The following PRICKLE2 variants were observed in gnomAD, a reference collection of about 807,000 sequenced individuals.
The protein encoded by PRICKLE2 is prickle-like protein 2.
PRICKLE2 carries 21 observed loss-of-function variants against 81.4 expected under a neutral mutation model. The ratio of observed to expected loss-of-function variants is 0.26; its 90% CI spans 0.18 to 0.37. The LOEUF (loss-of-function observed/expected upper bound fraction) is 0.37. Among genes scored for constraint, PRICKLE2 ranks in the 10% least tolerant of loss-of-function variants. The pLI is 1.00. For synonymous variants in PRICKLE2, 456 were observed against 421.5 expected (o/e 1.08, Z -1.00); for missense variants, 940 against 1,109.0 (o/e 0.85, Z 2.16).
At chr3:64,238,436 G>A (rs576076365) in intron 2 of PRICKLE2, among the ~76,000 whole-genome samples, 5 of 148,088 alleles carry the variant, frequency 3.4e-5, no homozygotes, top group Non-Finnish European at 5.9e-5. Flanking sequence ...GCAGTGAACC[G>A]AGATCACGCC....
chr3:64,197,947 C>T (rs2078488317), intron 2 of PRICKLE2, among the ~76,000 whole-genome samples: 1 of 152,016 alleles, frequency 6.6e-6, no homozygotes, highest in African/African-American at 2.4e-5. Flanking sequence ...TGTGGTGGCT[C>T]ACGCCTGTAA....
chr3:64,262,990 G>A (rs1467933706), intron 2 of PRICKLE2, among the ~76,000 whole-genome samples: 1 of 152,088 alleles, frequency 6.6e-6, no homozygotes, highest in East Asian at 1.9e-4. Context: ...GGGGTTCCAG[G>A]GTCACATTAG....
At chr3:64,161,465 A>G (rs2077732645) in intron 3 of PRICKLE2, among the ~76,000 whole-genome samples, 1 of 152,156 alleles carries the variant, frequency 6.6e-6, no homozygotes, top group Non-Finnish European at 1.5e-5. Context: ...GGATATCAAA[A>G]TTGTCTTATC....
At chr3:64,196,190 G>A (rs921865318) in intron 2 of PRICKLE2, among the ~76,000 whole-genome samples, 1 of 152,096 alleles carries the variant, frequency 6.6e-6, no homozygotes, top group African/African-American at 2.4e-5. Flanking sequence ...TGAGTAGAAC[G>A]TTTTCTCTGA....
chr3:64,222,880 G>A (rs1449738039), intron 1 of PRICKLE2, among the ~76,000 whole-genome samples: 1 of 152,192 alleles, frequency 6.6e-6, no homozygotes, highest in African/African-American at 2.4e-5. Context: ...TTCTACATGT[G>A]ACTTGTCAGC....
intron 2 of PRICKLE2, among the ~76,000 whole-genome samples, chr3:64,254,877 C>T (rs1345874532): frequency 6.6e-6 from 1 of 152,136 alleles, no homozygotes; most frequent in African/African-American, 2.4e-5. Flanking sequence ...TGGTCTTAGG[C>T]ATGTTAACCT....
intron 2 of PRICKLE2, among the ~76,000 whole-genome samples, chr3:64,237,865 C>T (rs1355501107): frequency 1.8e-4 from 27 of 152,106 alleles, no homozygotes; most frequent in Admixed American, 1.8e-3. Context: ...CTTGGCTTGC[C>T]AGGATGAGAA....
intron 1 of PRICKLE2, among the ~76,000 whole-genome samples, chr3:64,202,592 A>C (rs1041537867): frequency 6.6e-6 from 1 of 151,864 alleles, no homozygotes; most frequent in African/African-American, 2.4e-5. Context: ...ATGTTAAATC[A>C]TACAATCTTG....
chr3:64,265,802 G>C (rs893496149), intron 2 of PRICKLE2, among the ~76,000 whole-genome samples: 2 of 152,160 alleles, frequency 1.3e-5, no homozygotes, highest in African/African-American at 4.8e-5. Context: ...GTGTCCCTAA[G>C]GATAACAATT....
chr3:64,264,502 G>A (rs1354506007), intron 2 of PRICKLE2, among the ~76,000 whole-genome samples: 1 of 152,164 alleles, frequency 6.6e-6, no homozygotes, highest in African/African-American at 2.4e-5. Flanking sequence ...TAAGTTAACA[G>A]GCATCATTCT....
At chr3:64,135,703 C>T (rs2077267241) in intron 7 of PRICKLE2, among the ~76,000 whole-genome samples, 1 of 98,986 alleles carries the variant, frequency 1.0e-5, no homozygotes, top group African/African-American at 4.4e-5. Context: ...ATCACACACA[C>T]ACACACACAC....
rs1187541334 is a variant in PRICKLE2, at chr3:64,098,506, C to T, written c.*545G>A. 6.7e-6 allele frequency: 1 copy of T among 149,524 alleles called. No individual in the cohort carries two copies. Among genetic ancestry groups the T allele is most frequent in the Non-Finnish European group, 1.5e-5 (1 of 67,646 alleles). 9.3% of individuals were successfully genotyped at this position (149,524 alleles called of 1,614,324 possible). On this transcript the variant is annotated 3_prime_UTR_variant, in exon 8 of 8. Coordinates refer to ENST00000638394, the MANE Select transcript of PRICKLE2 (RefSeq NM_198859.4). ...AAAAAAAAAAAAAGGTGGTACCGGG[C>T]CACATTTCAATACTACTCAGAGACA...
rs11313134 is a variant in PRICKLE2 at position 64,121,541 on chromosome 3, G to GAA, written c.1661-21618_1661-21617dup. Among the ~76,000 whole-genome samples, 286 of 147,680 alleles carry GAA rather than the reference G, an allele frequency of 1.9e-3. 3 individuals carry two copies. The highest frequency in any genetic ancestry group is 0.011 in the Admixed American group (157 of 14,928). ...AGCCAAACTGGAGCCTAAGGCAAAA[G>GAA]AAAAAAAAAAAATCAGTGAAACAGA... On this transcript the variant is annotated intron_variant, in intron 7 of 7. Coordinates refer to ENST00000638394, the MANE Select transcript of PRICKLE2 (RefSeq NM_198859.4).
chr3:64,261,705 C>G (rs1029085642), intron 2 of PRICKLE2, among the ~76,000 whole-genome samples: 1 of 152,072 alleles, frequency 6.6e-6, no homozygotes, highest in African/African-American at 2.4e-5. Flanking sequence ...CAGAGGTAGG[C>G]AGAAACTTGG....
chr3:64,263,975 C>G (rs1226285786), intron 2 of PRICKLE2, among the ~76,000 whole-genome samples: 2 of 152,138 alleles, frequency 1.3e-5, no homozygotes, highest in African/African-American at 2.4e-5. Context: ...CCTAGAGAAG[C>G]AGGCTTCGGC....
At chr3:64,261,006 G>C (rs1458668681) in intron 2 of PRICKLE2, among the ~76,000 whole-genome samples, 1 of 152,184 alleles carries the variant, frequency 6.6e-6, no homozygotes, top group Non-Finnish European at 1.5e-5. Flanking sequence ...GGTCTTCAGA[G>C]AAAACCATTA....
intron 2 of PRICKLE2, among the ~76,000 whole-genome samples, chr3:64,250,460 C>A (rs114973318): frequency 0.011 from 1,631 of 152,258 alleles, 30 homozygotes; most frequent in African/African-American, 0.036. Flanking sequence ...GTTTACCTAG[C>A]ATGGGGGTGG....
intron 2 of PRICKLE2, among the ~76,000 whole-genome samples, chr3:64,233,373 A>G (rs538761138): frequency 6.6e-6 from 1 of 152,310 alleles, no homozygotes; most frequent in African/African-American, 2.4e-5. Flanking sequence ...GATGCTGCTC[A>G]TCTCAGAATA....
chr3:64,208,324 A>C (rs1214673761), intron 1 of PRICKLE2, among the ~76,000 whole-genome samples: 1 of 152,218 alleles, frequency 6.6e-6, no homozygotes, highest in Non-Finnish European at 1.5e-5. Flanking sequence ...TTGAGCTATC[A>C]CAAAAAGCAC....
Sources: gnomAD v4.1 joint callset for allele counts (sites outside exome capture counted in the v4.1 genomes callset) on GRCh38, gnomAD v4.1.1 for gene constraint, MANE v1.5 for transcripts, NCBI Gene and HGNC (gene_info 2026-07-23, HGNC 2026-07-21) for gene names.